The following CEP63 variants were observed in gnomAD, a reference collection of about 807,000 sequenced individuals.
CEP63 encodes centrosomal protein of 63 kDa.
In CEP63, 84 loss-of-function variants were observed where a neutral mutation model predicts 89.1. That is an observed-to-expected ratio of 0.94 (90% CI 0.79 to 1.13). The LOEUF is 1.13. Among genes scored for constraint, CEP63 ranks in the 50% most tolerant of loss-of-function variants. CEP63 has a pLI of 0.00. For missense variants in CEP63, 838 were observed against 813.3 expected (o/e 1.03, Z -0.37); for synonymous variants, 267 against 272.5 (o/e 0.98, Z 0.20).
chr3:134,719,720 T>C, the CEP63 span, among the ~76,000 whole-genome samples: 1 of 152,214 alleles, frequency 6.6e-6, no homozygotes, highest in Non-Finnish European at 1.5e-5. Context: ...AGAAATGGAA[T>C]CATAAGGTAT....
chr3:134,564,825 A>G lies in CEP63; in HGVS notation c.*3290A>G, dbSNP rs1957671409. ...TTGTACTACGTGTTGACTAGGAGGA[A>G]CAATGACAGACTCTGTAGTCACCGG... is the stretch of plus-strand genomic sequence containing the variant. On this transcript the variant is annotated 3_prime_UTR_variant, in exon 15 of 15. Coordinates refer to ENST00000675561, the MANE Select transcript of CEP63 (RefSeq NM_001353108.3). 1.0e-6 allele frequency: 1 copy of G among 985,250 alleles called. No homozygotes were observed. The highest frequency in any genetic ancestry group is 1.2e-6 in the Non-Finnish European group (1 of 829,862). 61.0% of individuals were successfully genotyped at this position (985,250 alleles called of 1,614,324 possible).
At chr3:134,662,612 A>T in the CEP63 span, among the ~76,000 whole-genome samples, 30 of 152,226 alleles carry the variant, frequency 2.0e-4, no homozygotes, top group African/African-American at 7.2e-4. Flanking sequence ...GGCTCCGAGA[A>T]GGCAGCTATT....
the CEP63 span, among the ~76,000 whole-genome samples, chr3:134,639,226 A>G: frequency 1.3e-5 from 2 of 152,190 alleles, no homozygotes; most frequent in Non-Finnish European, 2.9e-5. Context: ...AGTGGAAAGC[A>G]GTGACATCCC....
At chr3:134,493,530 C>T (rs1938505412) in intron 1 of CEP63, among the ~76,000 whole-genome samples, 1 of 151,446 alleles carries the variant, frequency 6.6e-6, no homozygotes, top group Non-Finnish European at 1.5e-5. Flanking sequence ...TAGGATAAAC[C>T]AACTAGAAAA....
At chr3:134,694,936 T>C in the CEP63 span, among the ~76,000 whole-genome samples, 1 of 152,202 alleles carries the variant, frequency 6.6e-6, no homozygotes, top group South Asian at 2.1e-4. Context: ...TGTGTGCATG[T>C]AAGGGTTTCC....
At chr3:134,682,926 A>G in the CEP63 span, among the ~76,000 whole-genome samples, 20 of 152,196 alleles carry the variant, frequency 1.3e-4, no homozygotes, top group African/African-American at 4.6e-4. Context: ...TGAGTGACAG[A>G]GTGTCATTAA....
At chr3:134,624,953 C>T in the CEP63 span, 2 of 1,053,212 alleles carry the variant, frequency 1.9e-6, no homozygotes, top group African/African-American at 3.2e-5. Flanking sequence ...AACCAAGCCA[C>T]TCAGGATATG....
In CEP63 at chr3:134,541,601, C is replaced by T. The variant is rs141333548; in HGVS notation, c.556-3985C>T. ...CACAATCTCGGCTCGCTGCAACCTC[C>T]GCCTCCCAGATCAAACGATCCTCCT... On this transcript the variant is annotated intron_variant, in intron 6 of 14. Transcript: ENST00000675561. Among the ~76,000 whole-genome samples the T allele has an allele frequency of 6.5e-4, 98 of 150,710 alleles. 1 individual carries two copies. Among genetic ancestry groups the T allele is most frequent in the Non-Finnish European group, 7.8e-4 (53 of 67,674 alleles).
At chr3:134,549,334 A>G (rs151123837) in intron 10 of CEP63, among the ~76,000 whole-genome samples, 158 bp downstream of exon 10, 49 of 152,278 alleles carry the variant, frequency 3.2e-4, no homozygotes, top group African/African-American at 1.1e-3. Flanking sequence ...GTGCATAGGG[A>G]AAGTGCCTTC....
At chr3:134,568,695 T>C (rs1957887718), downstream of CEP63, among the ~76,000 whole-genome samples, 1 of 152,200 alleles carries the variant, frequency 6.6e-6, no homozygotes, top group Non-Finnish European at 1.5e-5. Flanking sequence ...TTTATTTTGC[T>C]CCAAAAAGGT....
At chr3:134,572,319 A>G (rs1268994611) in intron 11 of CEP63, among the ~76,000 whole-genome samples, 1 of 152,166 alleles carries the variant, frequency 6.6e-6, no homozygotes, top group Admixed American at 6.5e-5. Context: ...GGTGTACTGC[A>G]TGATGCTGAG....
the CEP63 span, among the ~76,000 whole-genome samples, chr3:134,752,285 G>C: frequency 6.6e-6 from 1 of 152,190 alleles, no homozygotes; most frequent in Non-Finnish European, 1.5e-5. Context: ...TGGACATTTG[G>C]GAGGACTTCC....
At chr3:134,675,263 G>T in the CEP63 span, among the ~76,000 whole-genome samples, 235 of 152,292 alleles carry the variant, frequency 1.5e-3, 1 homozygote, top group Non-Finnish European at 1.4e-3. Context: ...TTAAACAAGG[G>T]TGTCAAGACA....
chr3:134,668,846 C>G, the CEP63 span, among the ~76,000 whole-genome samples: 32 of 152,238 alleles, frequency 2.1e-4, 1 homozygote, highest in South Asian at 6.6e-3. Flanking sequence ...CCACCATGTC[C>G]ATCTCTGCCA....
chr3:134,693,656 C>T, the CEP63 span, among the ~76,000 whole-genome samples: 33 of 152,274 alleles, frequency 2.2e-4, no homozygotes, highest in Non-Finnish European at 4.6e-4. Flanking sequence ...TCCCAGAAGA[C>T]GGGATCCTCT....
At chr3:134,494,915 CT>C (rs1293525866) in intron 1 of CEP63, among the ~76,000 whole-genome samples, 1 of 152,156 alleles carries the variant, frequency 6.6e-6, no homozygotes, top group Non-Finnish European at 1.5e-5. Flanking sequence ...AAAAGCTATA[CT>C]TTCCCTCTGA....
chr3:134,584,626 G>A (rs1162846258), intron 10 of CEP63, among the ~76,000 whole-genome samples: 1 of 152,140 alleles, frequency 6.6e-6, no homozygotes, highest in Non-Finnish European at 1.5e-5. Flanking sequence ...AGGGATATTG[G>A]TTTAAAATTC....
At chr3:134,697,787 T>C in the CEP63 span, among the ~76,000 whole-genome samples, 1 of 152,224 alleles carries the variant, frequency 6.6e-6, no homozygotes, top group Non-Finnish European at 1.5e-5. Context: ...CACTTAGCTT[T>C]TTCTTCTCAT....
At chr3:134,754,834 C>T in the CEP63 span, among the ~76,000 whole-genome samples, 3 of 152,296 alleles carry the variant, frequency 2.0e-5, no homozygotes, top group South Asian at 6.2e-4. Flanking sequence ...TAGATAGAGA[C>T]AGGCAAGCAT....
Sources: gnomAD v4.1 joint callset for allele counts (sites outside exome capture counted in the v4.1 genomes callset) on GRCh38, gnomAD v4.1.1 for gene constraint, MANE v1.5 for transcripts, NCBI Gene and HGNC (gene_info 2026-07-23, HGNC 2026-07-21) for gene names.